PTPN12: variants seen among roughly 807,000 people sequenced by gnomAD.
PTPN12 encodes the protein tyrosine-protein phosphatase non-receptor type 12.
PTPN12 carries 29 observed loss-of-function variants against 97.6 expected under a neutral mutation model. The ratio of observed to expected loss-of-function variants is 0.30; its 90% CI spans 0.22 to 0.41. PTPN12 has a LOEUF of 0.41. Among genes scored for constraint, PTPN12 ranks in the 10% least tolerant of loss-of-function variants. The probability of loss-of-function intolerance (pLI) is 1.00; values close to 1 mark genes in which losing one functional copy is unlikely to be tolerated. For synonymous variants in PTPN12, 327 were observed against 300.4 expected, an observed-to-expected ratio of 1.09 and a Z score of -0.91; for missense variants, 819 against 926.0, an observed-to-expected ratio of 0.88 and a Z score of 1.50.
intron 5 of PTPN12, among the ~76,000 whole-genome samples, chr7:77,588,170 C>A (rs2151339498): frequency 6.6e-6 from 1 of 152,308 alleles, no homozygotes; most frequent in Admixed American, 6.5e-5. Context: ...TACAAGAGGC[C>A]TACCTTTCTG....
chr7:77,596,618 T>C (rs1788030665), intron 6 of PTPN12, among the ~76,000 whole-genome samples: 1 of 152,206 alleles, frequency 6.6e-6, no homozygotes, highest in African/African-American at 2.4e-5. Flanking sequence ...TGCTATATTG[T>C]TCAGGCTGGT....
intron 8 of PTPN12, among the ~76,000 whole-genome samples, chr7:77,603,733 G>T (rs935192825): frequency 9.2e-5 from 14 of 152,236 alleles, no homozygotes; most frequent in South Asian, 2.1e-4. Flanking sequence ...AGATTTGTTG[G>T]TCAAGGACAT....
rs572231256 is a variant in PTPN12, at chr7:77,633,795, C to T, written c.2074+1370C>T. 8.6e-5 allele frequency among the ~76,000 whole-genome samples: 13 copies of T among 151,824 alleles called. No homozygotes were observed. The South Asian group carries it at 1.7e-3, about 19-fold the overall frequency. On this transcript the variant is annotated intron_variant, in intron 14 of 17. Coordinates refer to ENST00000248594, the MANE Select transcript of PTPN12 (RefSeq NM_002835.4). ...CGCAGCACTTTGGGAGTCCAAGGCG[C>T]GAGGATTGCTTGAGCCTAAGAGTTT... is the stretch of plus-strand genomic sequence containing the variant.
chr7:77,618,806 G>A (rs892268917), intron 12 of PTPN12, among the ~76,000 whole-genome samples: 1 of 151,972 alleles, frequency 6.6e-6, no homozygotes, highest in African/African-American at 2.4e-5. Context: ...AATTGACTAT[G>A]GTTTATGTTT....
intron 7 of PTPN12, among the ~76,000 whole-genome samples, chr7:77,600,389 T>C (rs1788153835): frequency 6.6e-6 from 1 of 152,204 alleles, no homozygotes; most frequent in Non-Finnish European, 1.5e-5. Context: ...TTAGGAAAGT[T>C]TGGGCAAGTT....
intron 1 of PTPN12, among the ~76,000 whole-genome samples, chr7:77,539,763 A>G (rs1021711853): frequency 3.9e-5 from 6 of 152,086 alleles, no homozygotes; most frequent in Admixed American, 3.3e-4. Context: ...TGAGTAGCTG[A>G]GATTATAGGC....
chr7:77,612,137 ATTTG>A (rs1166073710), intron 11 of PTPN12, among the ~76,000 whole-genome samples: 1 of 152,084 alleles, frequency 6.6e-6, no homozygotes, highest in African/African-American at 2.4e-5. Context: ...TTCCCAGAAT[ATTTG>A]TTTGAATTTT....
intron 5 of PTPN12, among the ~76,000 whole-genome samples, chr7:77,589,316 A>C (rs1297797155): frequency 6.6e-6 from 1 of 152,128 alleles, no homozygotes; most frequent in Non-Finnish European, 1.5e-5. Context: ...GTCGAAGTAA[A>C]ATTTATTTCA....
At chr7:77,636,885 G>C (rs1789612114) in intron 15 of PTPN12, 133 bp from the exon 16 acceptor site, 1 of 611,186 alleles carries the variant, frequency 1.6e-6, no homozygotes, top group East Asian at 3.1e-5. Context: ...AAAAACAATT[G>C]TTTGCTTTTC....
At chr7:77,617,032 C>G (rs772540009) in intron 11 of PTPN12, among the ~76,000 whole-genome samples, 3 of 152,152 alleles carry the variant, frequency 2.0e-5, no homozygotes, top group South Asian at 2.1e-4. Flanking sequence ...ATCCACCAGT[C>G]TCAGCCTCCC....
rs1554326598 is a variant in PTPN12 at position 77,625,472 on chromosome 7, G to GCTTGCGCTCTCT, written c.1026-1231_1026-1230insTGCGCTCTCTCT. Among the ~76,000 whole-genome samples the GCTTGCGCTCTCT allele has an allele frequency of 1.8e-4, 6 of 33,528 alleles. 1 individual carries two copies. The highest frequency in any genetic ancestry group is 8.0e-4 in the African/African-American group (6 of 7,528). 22.0% of individuals were successfully genotyped at this position (33,528 alleles called of 152,430 possible). A position where few individuals can be genotyped will look rare whatever the true frequency, so the allele number is the denominator to read the frequency against. On this transcript the variant is annotated intron_variant, in intron 12 of 17. Coordinates refer to ENST00000248594, the MANE Select transcript of PTPN12 (RefSeq NM_002835.4). ...TTTTGCCATATTGCCCAGGCTGCTC[G>GCTTGCGCTCTCT]CTCTCTCTCTCTCTCTCTCTCTCTC...
intron 12 of PTPN12, 29 bp downstream of exon 12, chr7:77,618,594 A>G: frequency 7.0e-7 from 1 of 1,430,686 alleles, no homozygotes; most frequent in Non-Finnish European, 9.8e-7. Context: ...CATTTTCTTT[A>G]AAAGCATACT....
chr7:77,638,608 T>G lies in PTPN12; in HGVS notation c.2174-16T>G, dbSNP rs1170647863. On this transcript the variant is annotated splice_polypyrimidine_tract_variant and intron_variant, in intron 16 of 17. Transcript: ENST00000248594. ...CAAAGGATGGTGATTAACAAAGGCT[T>G]TGTGTTGCTACTTAGATCATCCAGC... The G allele has an allele frequency of 1.9e-6, 3 of 1,565,944 alleles. No individual in the cohort carries two copies. Among genetic ancestry groups the G allele is most frequent in the African/African-American group, 2.8e-5 (2 of 72,106 alleles).
At chr7:77,559,473 G>C (rs1302378125) in intron 1 of PTPN12, among the ~76,000 whole-genome samples, 1 of 152,086 alleles carries the variant, frequency 6.6e-6, no homozygotes, top group Non-Finnish European at 1.5e-5. Context: ...GCTTTCCTTG[G>C]TAACATTGTA....
chr7:77,538,619 A>T (rs930849764), intron 1 of PTPN12: 1 of 151,804 alleles, frequency 6.6e-6, no homozygotes, highest in East Asian at 1.9e-4. Context: ...AGTCTTGTTC[A>T]TGAAATTGCT....
At chr7:77,624,791 T>C (rs1403108474) in intron 12 of PTPN12, among the ~76,000 whole-genome samples, 1 of 151,948 alleles carries the variant, frequency 6.6e-6, no homozygotes, top group Non-Finnish European at 1.5e-5. Flanking sequence ...TACTGCCAGT[T>C]ATCTGGTTGG....
intron 4 of PTPN12, among the ~76,000 whole-genome samples, chr7:77,584,611 C>T (rs944338444): frequency 6.6e-6 from 1 of 152,160 alleles, no homozygotes; most frequent in African/African-American, 2.4e-5. Context: ...CGTGGGGTGG[C>T]TCATGCCTGT....
intron 2 of PTPN12, among the ~76,000 whole-genome samples, chr7:77,575,945 A>G (rs886089173): frequency 5.3e-5 from 8 of 152,088 alleles, no homozygotes; most frequent in Non-Finnish European, 1.2e-4. Flanking sequence ...TCCGCCTCCC[A>G]GGTTCATGAG....
At position 77,637,143 on chromosome 7, in the gene PTPN12, T is replaced by C. The variant is rs966019311; in HGVS notation, c.2173+95T>C. 3 of 993,176 alleles carry C rather than the reference T, an allele frequency of 3.0e-6. No homozygotes were observed. In the South Asian group the frequency reaches 4.4e-5, roughly 15 times the overall value. The allele number at this position is 993,176 out of a possible 1,614,324, so 61.5% of individuals were successfully genotyped here. A position where few individuals can be genotyped will look rare whatever the true frequency, so the allele number is the denominator to read the frequency against. ...CTTCATAGTTCATGCTATATAGTTA[T>C]TTCTGTATGTGAAAATGTCTAGGAC... is the stretch of plus-strand genomic sequence containing the variant. On this transcript the variant is annotated intron_variant, in intron 16 of 17. Transcript: ENST00000248594.
Sources: allele counts gnomAD v4.1 joint callset (sites outside exome capture counted in the v4.1 genomes callset), GRCh38; gene constraint gnomAD v4.1.1; transcripts MANE v1.5; gene names NCBI Gene and HGNC (gene_info 2026-07-23, HGNC 2026-07-21).